EYS: variants seen among roughly 807,000 people sequenced by gnomAD.
The protein encoded by EYS is EGF-like photoreceptor maintenance factor.
Under a neutral mutation model 282.1 loss-of-function variants are expected in EYS, and 250 were observed. That is an observed-to-expected ratio of 0.89 (90% CI 0.80 to 0.98). EYS has a LOEUF of 0.98. EYS is among the 50% of genes least tolerant of loss of function. The pLI, the probability that EYS is intolerant of heterozygous loss-of-function variation, is 0.00. For missense variants in EYS, 4,016 were observed against 3,709.0 expected (o/e 1.08, Z -2.15); for synonymous variants, 1,355 against 1,282.9 (o/e 1.06, Z -1.20).
At chr6:64,500,355 G>A (rs1466251568) in intron 26 of EYS, among the ~76,000 whole-genome samples, 3 of 151,904 alleles carry the variant, frequency 2.0e-5, no homozygotes, top group Non-Finnish European at 4.4e-5. Context: ...TTCATGGTAC[G>A]TATCTGTTTG....
At chr6:63,797,689 A>G (rs1770680641) in intron 37 of EYS, 1 of 152,194 alleles carries the variant, frequency 6.6e-6, no homozygotes, top group Non-Finnish European at 1.5e-5. Flanking sequence ...ATCATTAGCC[A>G]TTGAGCACAA....
intron 22 of EYS, among the ~76,000 whole-genome samples, chr6:64,676,369 G>T (rs114247491): frequency 0.13 from 18,807 of 148,256 alleles, 1,444 homozygotes; most frequent in Non-Finnish European, 0.18. Context: ...GAGAGGGAGA[G>T]AAAGAGGGAG....
chr6:64,835,649 A>G (rs950925295), intron 19 of EYS, among the ~76,000 whole-genome samples: 5 of 151,700 alleles, frequency 3.3e-5, no homozygotes, highest in African/African-American at 1.2e-4. Context: ...GCCACAGGAT[A>G]ATATACAACC....
chr6:65,023,243 C>A (rs116833103), intron 13 of EYS, among the ~76,000 whole-genome samples: 1 of 151,936 alleles, frequency 6.6e-6, no homozygotes, highest in Non-Finnish European at 1.5e-5. Flanking sequence ...ATATTAACTG[C>A]GGTCACTGTT....
intron 11 of EYS, among the ~76,000 whole-genome samples, chr6:65,317,713 T>C (rs1452852387): frequency 1.3e-5 from 2 of 152,128 alleles, no homozygotes; most frequent in African/African-American, 2.4e-5. Context: ...ACTGTTAAGC[T>C]CACTCACTTG....
chr6:65,605,882 A>C (rs1765770699), intron 2 of EYS, among the ~76,000 whole-genome samples: 1 of 151,778 alleles, frequency 6.6e-6, no homozygotes, highest in Non-Finnish European at 1.5e-5. Flanking sequence ...AGAATAAAAT[A>C]AAATTTGCTA....
chr6:65,048,953 C>T (rs914715107), intron 13 of EYS, among the ~76,000 whole-genome samples: 17 of 151,760 alleles, frequency 1.1e-4, no homozygotes, highest in African/African-American at 3.9e-4. Flanking sequence ...TTAATTTTTT[C>T]TTTCCAGTGT....
intron 22 of EYS, among the ~76,000 whole-genome samples, chr6:64,727,689 A>G (rs1236525893): frequency 1.3e-5 from 2 of 152,214 alleles, no homozygotes; most frequent in African/African-American, 4.8e-5. Flanking sequence ...TAATTAATTA[A>G]TCATCTTAGC....
At chr6:65,538,402 G>A (rs1003584991) in intron 2 of EYS, among the ~76,000 whole-genome samples, 4 of 152,064 alleles carry the variant, frequency 2.6e-5, no homozygotes, top group Non-Finnish European at 5.9e-5. Flanking sequence ...AGAAAAAGAT[G>A]GTTACAGGTA....
At chr6:64,411,034 C>G (rs564148190) in intron 28 of EYS, among the ~76,000 whole-genome samples, 1 of 152,120 alleles carries the variant, frequency 6.6e-6, no homozygotes, top group East Asian at 1.9e-4. Context: ...TCTTTAGAAG[C>G]TCAAGATGAA....
chr6:64,142,179 G>C (rs1774359674), intron 31 of EYS, among the ~76,000 whole-genome samples: 1 of 151,962 alleles, frequency 6.6e-6, no homozygotes. Flanking sequence ...CGTTACCTCT[G>C]AGCAGCCCCC....
intron 18 of EYS, among the ~76,000 whole-genome samples, chr6:64,890,644 T>C (rs1216089070): frequency 6.6e-6 from 1 of 152,196 alleles, no homozygotes; most frequent in Non-Finnish European, 1.5e-5. Flanking sequence ...CAAAAAGTTC[T>C]GCTTTTTTGT....
chr6:65,400,892 A>G (rs1419027517), intron 7 of EYS, among the ~76,000 whole-genome samples: 2 of 151,924 alleles, frequency 1.3e-5, no homozygotes, highest in Admixed American at 6.6e-5. Flanking sequence ...GGAAGGTATA[A>G]GACAATTTCC....
At chr6:65,556,179 TA>T (rs1768792454) in intron 2 of EYS, among the ~76,000 whole-genome samples, 1 of 152,202 alleles carries the variant, frequency 6.6e-6, no homozygotes, top group Admixed American at 6.5e-5. Context: ...CTATAATACT[TA>T]AACTCTTAAG....
intron 11 of EYS, among the ~76,000 whole-genome samples, chr6:65,306,862 A>AAAAAAG (rs1769025153): frequency 7.3e-6 from 1 of 136,430 alleles, no homozygotes; most frequent in Non-Finnish European, 1.6e-5. Flanking sequence ...AAAAAAAAAA[A>AAAAAAG]GAAAGTCTAG....
intron 30 of EYS, among the ~76,000 whole-genome samples, chr6:64,247,795 G>GA (rs1325791163): frequency 2.6e-5 from 4 of 152,030 alleles, no homozygotes; most frequent in African/African-American, 9.7e-5. Flanking sequence ...TGAGAAAACA[G>GA]AAAACACTTA....
chr6:64,893,188 T>C (rs1361088803), intron 18 of EYS, among the ~76,000 whole-genome samples: 1 of 152,018 alleles, frequency 6.6e-6, no homozygotes, highest in African/African-American at 2.4e-5. Context: ...GTCAGAAAAA[T>C]GTAAATTCCA....
At chr6:64,435,600 A>G (rs1335154344) in intron 28 of EYS, among the ~76,000 whole-genome samples, 2 of 151,810 alleles carry the variant, frequency 1.3e-5, no homozygotes, top group East Asian at 1.9e-4. Flanking sequence ...GGTAAGGCAC[A>G]TAACAAAAAA....
At chr6:64,168,189 A>C (rs1292196130) in intron 31 of EYS, among the ~76,000 whole-genome samples, 2 of 152,136 alleles carry the variant, frequency 1.3e-5, no homozygotes, top group Non-Finnish European at 2.9e-5. Context: ...TGAACCCGGG[A>C]GGGGGAGCTT....
Sources: gnomAD v4.1 joint callset for allele counts (sites outside exome capture counted in the v4.1 genomes callset) on GRCh38, gnomAD v4.1.1 for gene constraint, MANE v1.5 for transcripts, NCBI Gene and HGNC (gene_info 2026-07-23, HGNC 2026-07-21) for gene names.